Variants in RFX8 observed in about 807,000 individuals in gnomAD.
RFX8 encodes the protein DNA-binding protein RFX8.
Under a neutral mutation model 54.6 loss-of-function variants are expected in RFX8, and 46 were observed. The observed-to-expected ratio is 0.84, with a 90% CI of 0.67 to 1.08. The LOEUF (loss-of-function observed/expected upper bound fraction) is 1.08, where lower values mean the gene tolerates loss of function less well. RFX8 is among the 50% of genes least tolerant of loss of function. The pLI is 0.00. For missense variants in RFX8, 536 were observed against 562.3 expected (o/e 0.95, Z 0.47); for synonymous variants, 192 against 209.5 (o/e 0.92, Z 0.72).
intron 2 of RFX8, among the ~76,000 whole-genome samples, chr2:101,442,861 G>A (rs886822487): frequency 1.9e-4 from 29 of 151,960 alleles, no homozygotes; most frequent in African/African-American, 4.6e-4. Flanking sequence ...TGCTCCTGGC[G>A]GCCTCTGGGG....
chr2:101,428,923 C>G, intron 2 of RFX8: 1 of 1,329,754 alleles, frequency 7.5e-7, no homozygotes, highest in Non-Finnish European at 1.0e-6. Flanking sequence ...AGGTCTGGGT[C>G]TGTTATAGTA....
In RFX8 at chr2:101,408,980, C is replaced by T. The variant is rs116703740; in HGVS notation, c.813+1639G>A. ...AGAGCCACGCTTCCAGCCCCAGGCC[C>T]TCGGAGTCTTTGCTCTCTCCACCAG... On this transcript the variant is annotated intron_variant, in intron 9 of 11. Transcript: ENST00000428343. 4.6e-3 allele frequency among the ~76,000 whole-genome samples: 696 copies of T among 152,336 alleles called. 6 individuals carry two copies. The highest frequency in any genetic ancestry group is 0.016 in the African/African-American group (661 of 41,584).
chr2:101,407,825 G>A (rs766275117), intron 9 of RFX8, among the ~76,000 whole-genome samples: 3 of 152,130 alleles, frequency 2.0e-5, no homozygotes, highest in Non-Finnish European at 4.4e-5. Context: ...TTCCCGTCAC[G>A]TCCACAGTGT....
intron 2 of RFX8, among the ~76,000 whole-genome samples, chr2:101,455,925 C>A (rs976047067): frequency 6.6e-6 from 1 of 152,142 alleles, no homozygotes; most frequent in Non-Finnish European, 1.5e-5. Context: ...TTGAAGAGGT[C>A]CTTCACATCC....
At chr2:101,404,971 T>G (rs1467541082) in intron 10 of RFX8, among the ~76,000 whole-genome samples, 2 of 152,176 alleles carry the variant, frequency 1.3e-5, no homozygotes, top group African/African-American at 4.8e-5. Flanking sequence ...CAGCTCTCTA[T>G]GCAGGGATCA....
At position 101,397,508 on chromosome 2, in the gene RFX8, A is replaced by G; in HGVS notation, c.*40T>C. 7.5e-7 allele frequency: 1 copy of G among 1,339,966 alleles called. No individual in the cohort carries two copies. The highest frequency in any genetic ancestry group is 1.0e-6 in the Non-Finnish European group (1 of 987,122). The allele number at this position is 1,339,966 out of a possible 1,614,324, so 83.0% of individuals were successfully genotyped here. Reference sequence around the variant, plus strand: ...AGTATTTAATATTTTTAAGAATGCAAGTCTATCAGTTTTCTTATTCTCTAT... The same window carrying G: ...AGTATTTAATATTTTTAAGAATGCAGGTCTATCAGTTTTCTTATTCTCTAT... On this transcript the variant is annotated 3_prime_UTR_variant, in exon 12 of 12. Coordinates refer to ENST00000428343, the MANE Select transcript of RFX8 (RefSeq NM_001145664.2).
chr2:101,424,730 G>A (rs1363551683), intron 2 of RFX8, among the ~76,000 whole-genome samples: 1 of 152,134 alleles, frequency 6.6e-6, no homozygotes, highest in Non-Finnish European at 1.5e-5. Context: ...CATGGATGAA[G>A]CTGGGAACCA....
At chr2:101,437,739 T>C (rs2148953305) in intron 2 of RFX8, among the ~76,000 whole-genome samples, 1 of 152,342 alleles carries the variant, frequency 6.6e-6, no homozygotes, top group South Asian at 2.1e-4. Flanking sequence ...ACAACCCAGA[T>C]ACTGACGTTG....
At chr2:101,445,679 G>T (rs536652354) in intron 2 of RFX8, among the ~76,000 whole-genome samples, 5 of 151,974 alleles carry the variant, frequency 3.3e-5, no homozygotes, top group Non-Finnish European at 5.9e-5. Context: ...ATCTGCCCAT[G>T]TTGGCCTCCC....
At chr2:101,437,477 C>A (rs375159266) in intron 2 of RFX8, among the ~76,000 whole-genome samples, 1 of 151,780 alleles carries the variant, frequency 6.6e-6, no homozygotes, top group Non-Finnish European at 1.5e-5. Context: ...ACTCAGGAGG[C>A]TGAGGCGGGA....
At chr2:101,442,647 T>C (rs1472225005) in intron 2 of RFX8, among the ~76,000 whole-genome samples, 1 of 152,246 alleles carries the variant, frequency 6.6e-6, no homozygotes, top group Non-Finnish European at 1.5e-5. Context: ...TTCTGCCTGC[T>C]TCCAGGGTTT....
At chr2:101,435,967 C>A (rs1553455653) in intron 2 of RFX8, among the ~76,000 whole-genome samples, 1 of 152,168 alleles carries the variant, frequency 6.6e-6, no homozygotes, top group Non-Finnish European at 1.5e-5. Flanking sequence ...AAAACGAACG[C>A]CCCCACCCGC....
intron 8 of RFX8, among the ~76,000 whole-genome samples, chr2:101,411,291 C>T (rs1355543563): frequency 2.6e-5 from 4 of 152,228 alleles, no homozygotes; most frequent in Admixed American, 6.5e-5. Context: ...GTTTGGAAAA[C>T]TGAGTCGGTT....
chr2:101,470,996 G>A (rs1689952165), intron 1 of RFX8, among the ~76,000 whole-genome samples: 1 of 149,624 alleles, frequency 6.7e-6, no homozygotes, highest in African/African-American at 2.4e-5. Context: ...TGGGATTACA[G>A]GCGTGAGCCA....
chr2:101,422,450 TTCATCGGTGAATGATCTTCACACTAAAAA>T lies in RFX8; in HGVS notation c.73-7_94del. The T allele has an allele frequency of 6.5e-7, 1 of 1,547,942 alleles. No individual in the cohort carries two copies. Among genetic ancestry groups the T allele is most frequent in the Non-Finnish European group, 8.7e-7 (1 of 1,143,482 alleles). On this transcript the variant is annotated splice_acceptor_variant and splice_polypyrimidine_tract_variant and coding_sequence_variant and intron_variant, in exon 3 of 12. Coordinates refer to ENST00000428343, the MANE Select transcript of RFX8 (RefSeq NM_001145664.2). LOFTEE classifies it high-confidence loss of function. ...CAAAGGGGATCCAACTGGGTCTGTC[TTCATCGGTGAATGATCTTCACACTAAAAA>T]TCATTTGTGCAATGGATTATGTCTT...
intron 10 of RFX8, among the ~76,000 whole-genome samples, chr2:101,404,895 G>A (rs192372947): frequency 9.2e-5 from 14 of 152,250 alleles, no homozygotes; most frequent in African/African-American, 2.9e-4. Flanking sequence ...GGAGCTCCAG[G>A]GTGTCTGCAA....
At chr2:101,442,157 G>A (rs1688134288) in intron 2 of RFX8, among the ~76,000 whole-genome samples, 1 of 152,202 alleles carries the variant, frequency 6.6e-6, no homozygotes, top group South Asian at 2.1e-4. Flanking sequence ...ACTACTTTGA[G>A]TGAGGTGTGG....
At chr2:101,461,820 C>T (rs1173329029) in intron 2 of RFX8, among the ~76,000 whole-genome samples, 1 of 152,116 alleles carries the variant, frequency 6.6e-6, no homozygotes, top group Non-Finnish European at 1.5e-5. Flanking sequence ...GTAATATGTA[C>T]ACACACAACA....
At chr2:101,470,425 G>A (rs1689912006) in intron 1 of RFX8, among the ~76,000 whole-genome samples, 1 of 152,168 alleles carries the variant, frequency 6.6e-6, no homozygotes, top group African/African-American at 2.4e-5. Flanking sequence ...AGAACTGCCG[G>A]CAGGTGACAT....
Sources: allele counts gnomAD v4.1 joint callset (sites outside exome capture counted in the v4.1 genomes callset), GRCh38; gene constraint gnomAD v4.1.1; transcripts MANE v1.5; gene names NCBI Gene and HGNC (gene_info 2026-07-23, HGNC 2026-07-21).